Variants in ARMH1 observed in about 807,000 individuals in gnomAD.
ARMH1 encodes the protein armadillo like helical domain containing 1, also known as armadillo-like helical domain containing protein 1.
ARMH1 carries 34 observed loss-of-function variants against 50.2 expected under a neutral mutation model. The ratio of observed to expected loss-of-function variants is 0.68; its 90% CI spans 0.51 to 0.90. The LOEUF (loss-of-function observed/expected upper bound fraction) is 0.90, where lower values mean the gene tolerates loss of function less well. Among genes scored for constraint, ARMH1 ranks in the 40% least tolerant of loss-of-function variants. The probability of loss-of-function intolerance (pLI) is 0.00; values close to 1 mark genes in which losing one functional copy is unlikely to be tolerated. For synonymous variants in ARMH1, 221 were observed against 224.2 expected (o/e 0.99, Z 0.13); for missense variants, 538 against 553.9 (o/e 0.97, Z 0.29).
In ARMH1 at chr1:44,724,180, C is replaced by T. The variant is rs1647860161; in HGVS notation, c.783C>T (p.Gly261=). The change falls in exon 7 of 12, where the codon GGC becomes GGT. Residue 261 remains glycine (G), a synonymous_variant. Coordinates refer to ENST00000535358, the MANE Select transcript of ARMH1 (RefSeq NM_001145636.2). This position sits in a 1 kb window ranked among gnomAD's most constrained non-coding sequence, Gnocchi z 6.4. ...ATGTGCGCCAGGCGCTGCTCAAGGG[C>T]CTCGTGGCGCTGCTGATACCGTCGG... The part of the protein sequence containing the change: ...GYDVRQALLK[G]LVALLIPSVK... 6.4e-7 allele frequency: 1 copy of T among 1,551,576 alleles called. No homozygotes were observed. Among genetic ancestry groups the T allele is most frequent in the East Asian group, 2.4e-5 (1 of 40,940 alleles).
intron 1 of ARMH1, among the ~76,000 whole-genome samples, chr1:44,679,397 A>G (rs1290336382): frequency 6.6e-6 from 1 of 152,226 alleles, no homozygotes; most frequent in Non-Finnish European, 1.5e-5. Flanking sequence ...GCCATTTTCC[A>G]TTAGTGCTAA....
At chr1:44,684,153 G>A (rs143468023) in intron 1 of ARMH1, among the ~76,000 whole-genome samples, 4 of 152,096 alleles carry the variant, frequency 2.6e-5, no homozygotes, top group South Asian at 2.1e-4. Flanking sequence ...TTTCCTTAGC[G>A]GTCAACAAGC....
intron 6 of ARMH1, among the ~76,000 whole-genome samples, chr1:44,714,278 G>GAAA (rs879914972): frequency 1.8e-5 from 2 of 110,362 alleles, no homozygotes; most frequent in East Asian, 5.5e-4. Context: ...TCAAAAAAAA[G>GAAA]AAAAAAAAAA....
chr1:44,723,983 A>G (rs1459687452), intron 6 of ARMH1, 139 bp from the exon 7 acceptor site: 2 of 1,127,620 alleles, frequency 1.8e-6, no homozygotes, highest in Non-Finnish European at 2.4e-6. Flanking sequence ...TCGCCTTCCC[A>G]GCTCCCCCAC....
At chr1:44,717,097 C>T (rs1436824955) in intron 6 of ARMH1, among the ~76,000 whole-genome samples, 2 of 152,170 alleles carry the variant, frequency 1.3e-5, no homozygotes, top group Non-Finnish European at 2.9e-5. Flanking sequence ...GATCCAACCG[C>T]CTTGACCTCC....
intron 5 of ARMH1, among the ~76,000 whole-genome samples, chr1:44,702,924 G>A (rs1399914942): frequency 6.6e-6 from 1 of 152,028 alleles, no homozygotes; most frequent in Non-Finnish European, 1.5e-5. Context: ...GTCTATGGCA[G>A]GAAAAATTAA....
chr1:44,692,759 G>A (rs1455953117), intron 2 of ARMH1, among the ~76,000 whole-genome samples: 1 of 151,988 alleles, frequency 6.6e-6, no homozygotes, highest in Non-Finnish European at 1.5e-5. Flanking sequence ...TTGAGACAGG[G>A]TCTTCCTCTG....
At chr1:44,720,126 G>T (rs770222144) in intron 6 of ARMH1, among the ~76,000 whole-genome samples, 5 of 151,034 alleles carry the variant, frequency 3.3e-5, no homozygotes, top group Non-Finnish European at 7.4e-5. Context: ...GAATCCATGA[G>T]GCAGAGGTTG....
intron 1 of ARMH1, among the ~76,000 whole-genome samples, chr1:44,677,290 G>T (rs893193657): frequency 3.3e-5 from 5 of 152,202 alleles, no homozygotes; most frequent in Non-Finnish European, 7.3e-5. Flanking sequence ...AGTCTGCAAG[G>T]TTGTGTAATA....
chr1:44,701,196 C>T (rs921564177), intron 5 of ARMH1, 77 bp downstream of exon 5: 8 of 1,367,606 alleles, frequency 5.8e-6, no homozygotes, highest in Non-Finnish European at 6.9e-6. Flanking sequence ...AGTTGCTCTC[C>T]ACACAGGCAT....
Position 44,697,150 on chromosome 1 carries a change from C to T in ARMH1, c.255C>T (p.Ile85=). 5.2e-6 allele frequency: 8 copies of T among 1,552,020 alleles called. No individual in the cohort carries two copies. Among genetic ancestry groups the T allele is most frequent in the Non-Finnish European group, 7.0e-6 (8 of 1,146,862 alleles). ...CLEKLLRSIG[I]FLSAVSSNRY... is the part of the protein sequence containing the mutation. ...AAAAGCTTCTCAGGTCCATTGGCAT[C>T]TTCTTATCAGCTGTAAGCAGGTGAG... The change falls in exon 3 of 12, where the codon ATC becomes ATT. Residue 85 remains isoleucine, a synonymous_variant. Coordinates refer to ENST00000535358, the MANE Select transcript of ARMH1 (RefSeq NM_001145636.2).
chr1:44,676,504 G>A (rs539654586), intron 1 of ARMH1, among the ~76,000 whole-genome samples: 4 of 152,328 alleles, frequency 2.6e-5, no homozygotes, highest in East Asian at 1.9e-4. Flanking sequence ...AAAGGAGGAC[G>A]AACCTGCAAA....
At chr1:44,688,837 GC>G (rs1252678674) in intron 1 of ARMH1, among the ~76,000 whole-genome samples, 17 of 152,120 alleles carry the variant, frequency 1.1e-4, no homozygotes, top group Non-Finnish European at 2.2e-4. Flanking sequence ...ACAAACCACA[GC>G]CCATTAATCC....
In ARMH1 at chr1:44,681,090, G is replaced by A. The variant is rs544538778; in HGVS notation, c.-23+6217G>A. On this transcript the variant is annotated intron_variant, in intron 1 of 11. Transcript: ENST00000535358. The surrounding 1 kb of genome is among the most constrained non-coding windows in gnomAD (Gnocchi z 4.3). ...GCTCACTGCAAGCTCCACCTCCCGG[G>A]TTCACGCCATTCTCCTGCCTCAGCC... 6.1e-3 allele frequency among the ~76,000 whole-genome samples: 930 copies of A among 151,552 alleles called. 11 individuals carry two copies. Among genetic ancestry groups the A allele is most frequent in the African/African-American group, 0.021 (873 of 41,298 alleles).
rs931495493 is a variant in ARMH1, at chr1:44,681,998, G to T, written c.-23+7125G>T. ...CACTGTTCATTAAAATCACCTTTTT[G>T]CTTGTCTCTCTGCCCTGCCAGTCTG... On this transcript the variant is annotated intron_variant, in intron 1 of 11. Coordinates refer to ENST00000535358, the MANE Select transcript of ARMH1 (RefSeq NM_001145636.2). This position sits in a 1 kb window ranked among gnomAD's most constrained non-coding sequence, Gnocchi z 4.3. Among the ~76,000 whole-genome samples the T allele has an allele frequency of 1.3e-5, 2 of 152,052 alleles. No individual in the cohort carries two copies. The highest frequency in any genetic ancestry group is 2.9e-5 in the Non-Finnish European group (2 of 67,996).
chr1:44,691,943 A>C (rs59943355), intron 2 of ARMH1, among the ~76,000 whole-genome samples: 4,782 of 152,292 alleles, frequency 0.031, 263 homozygotes, highest in African/African-American at 0.11. Context: ...GTCAAGGCTA[A>C]AGACAGATCT....
chr1:44,713,089 C>T (rs190930217), intron 6 of ARMH1, among the ~76,000 whole-genome samples: 2 of 148,258 alleles, frequency 1.3e-5, no homozygotes. Flanking sequence ...AGAGCTACTG[C>T]GCCCGGCCTT....
At position 44,704,082 on chromosome 1, in the gene ARMH1, T is replaced by A. The variant is rs990537169; in HGVS notation, c.640-7T>A. The stretch of plus-strand genomic sequence containing the variant: ...TAACCACCTTGTCCTGTTGTCTGTC[T>A]GGTCAGCCAATCATTGGGACCACAC... On this transcript the variant is annotated splice_region_variant and splice_polypyrimidine_tract_variant and intron_variant, in intron 5 of 11. Coordinates refer to ENST00000535358, the MANE Select transcript of ARMH1 (RefSeq NM_001145636.2). 1 of 1,548,868 alleles carries A rather than the reference T, an allele frequency of 6.5e-7. No homozygotes were observed.
intron 6 of ARMH1, among the ~76,000 whole-genome samples, chr1:44,709,484 A>G (rs563059632): frequency 2.0e-5 from 3 of 152,290 alleles, no homozygotes; most frequent in Admixed American, 6.5e-5. Flanking sequence ...CATCCTGGCT[A>G]ACACGGTGAA....
Sources: gnomAD v4.1 joint callset for allele counts (sites outside exome capture counted in the v4.1 genomes callset) on GRCh38, gnomAD v4.1.1 for gene constraint, Gnocchi (gnomAD v3.1) non-coding constraint, MANE v1.5 for transcripts, NCBI Gene and HGNC (gene_info 2026-07-23, HGNC 2026-07-21) for gene names.